The following PTPRD variants were observed in gnomAD, a reference collection of about 807,000 sequenced individuals.
The protein encoded by PTPRD is protein tyrosine phosphatase receptor type D.
A neutral mutation model predicts 214.5 loss-of-function variants in PTPRD; 34 were observed. The ratio of observed to expected loss-of-function variants is 0.16; its 90% CI spans 0.12 to 0.21. The LOEUF (loss-of-function observed/expected upper bound fraction) is 0.21. PTPRD is among the 10% of genes least tolerant of loss of function. The pLI is 1.00. For synonymous variants in PTPRD, 1,128 were observed against 845.7 expected (o/e 1.33, Z -5.79); for missense variants, 2,545 against 2,398.7 (o/e 1.06, Z -1.27).
chr9:8,580,392 A>G (rs1466103140), intron 14 of PTPRD, among the ~76,000 whole-genome samples: 5 of 152,234 alleles, frequency 3.3e-5, no homozygotes, highest in African/African-American at 1.2e-4. Context: ...TGACGATAGC[A>G]ATTAAGTTTC....
intron 8 of PTPRD, among the ~76,000 whole-genome samples, chr9:9,441,035 C>G (rs534676183): frequency 2.0e-4 from 30 of 152,276 alleles, no homozygotes; most frequent in African/African-American, 7.2e-4. Flanking sequence ...GAGACTTCCC[C>G]TCATTGGGCC....
In PTPRD at chr9:8,840,161, G is replaced by C. The variant is rs942310281; in HGVS notation, c.-103-106215C>G. On this transcript the variant is annotated intron_variant, in intron 11 of 45. Coordinates refer to ENST00000381196, the MANE Select transcript of PTPRD (RefSeq NM_002839.4). The stretch of plus-strand genomic sequence containing the variant: ...AACAGTATTAGAGCAGTACACATTA[G>C]TAGAACTACCTTTGGTTTAAATTTG... Among the ~76,000 whole-genome samples the C allele has an allele frequency of 8.5e-5, 13 of 152,158 alleles. 1 individual carries two copies. Among genetic ancestry groups the C allele is most frequent in the Admixed American group, 7.9e-4 (12 of 15,268 alleles).
In PTPRD at chr9:8,327,450, C is replaced by T. The variant is rs900094237; in HGVS notation, c.5534+4132G>A. Among the ~76,000 whole-genome samples, 3 of 151,880 alleles carry T rather than the reference C, an allele frequency of 2.0e-5. No homozygotes were observed. In the East Asian group the frequency reaches 5.8e-4, roughly 30 times the overall value. ...GCATTTGCTGAGGAGTGTTTTACTT[C>T]CAATATGTGGTCAATGTTAGAATAA... On this transcript the variant is annotated intron_variant, in intron 44 of 45. Transcript: ENST00000381196.
rs1458501786 is a variant in PTPRD, at chr9:9,183,312, A to G, written c.-151T>C. The G allele has an allele frequency of 3.3e-5, 5 of 152,040 alleles. No homozygotes were observed. Among genetic ancestry groups the G allele is most frequent in the Non-Finnish European group, 7.4e-5 (5 of 67,966 alleles). 9.4% of individuals were successfully genotyped at this position (152,040 alleles called of 1,614,324 possible). A position where few individuals can be genotyped will look rare whatever the true frequency, so the allele number is the denominator to read the frequency against. On this transcript the variant is annotated 5_prime_UTR_variant, in exon 10 of 46. Transcript: ENST00000381196. The stretch of plus-strand genomic sequence containing the variant: ...TGTGGTTGTGGACTCACCTTGAGTT[A>G]GCCACCGTCGGTGTTTTCAGACACA...
intron 5 of PTPRD, among the ~76,000 whole-genome samples, chr9:9,936,462 A>G (rs533056784): frequency 3.3e-5 from 5 of 151,040 alleles, no homozygotes; most frequent in Admixed American, 1.3e-4. Flanking sequence ...CAGCCAAAAA[A>G]CACATGAAAA....
chr9:9,500,882 T>A (rs574032473), intron 8 of PTPRD, among the ~76,000 whole-genome samples: 46 of 152,158 alleles, frequency 3.0e-4, no homozygotes, highest in Non-Finnish European at 4.4e-4. Context: ...AATGGACTTA[T>A]TACTGTTTTT....
intron 12 of PTPRD, among the ~76,000 whole-genome samples, chr9:8,729,097 T>A (rs1209658878): frequency 6.6e-6 from 1 of 152,254 alleles, no homozygotes; most frequent in Non-Finnish European, 1.5e-5. Context: ...AGGCACTGTA[T>A]TACTGTGTTT....
intron 11 of PTPRD, among the ~76,000 whole-genome samples, chr9:8,951,552 C>G (rs144251289): frequency 4.1e-4 from 62 of 152,054 alleles, no homozygotes; most frequent in African/African-American, 1.4e-3. Context: ...TTCAGCATAT[C>G]ACAACCAAAT....
chr9:8,798,940 A>C (rs902369919), intron 11 of PTPRD, among the ~76,000 whole-genome samples: 8 of 152,104 alleles, frequency 5.3e-5, no homozygotes, highest in African/African-American at 1.7e-4. Flanking sequence ...TTCACATGTA[A>C]AGCCTGAATG....
At chr9:8,830,593 A>T (rs554207089) in intron 11 of PTPRD, among the ~76,000 whole-genome samples, 1 of 151,958 alleles carries the variant, frequency 6.6e-6, no homozygotes, top group South Asian at 2.1e-4. Context: ...AACTCCTTCA[A>T]CTCCCCCCAG....
intron 43 of PTPRD, among the ~76,000 whole-genome samples, chr9:8,337,085 A>C (rs1847679246): frequency 1.3e-5 from 2 of 152,194 alleles, no homozygotes; most frequent in African/African-American, 4.8e-5. Context: ...TGACCCAGCA[A>C]TCCCATTACT....
chr9:10,497,206 C>A (rs1482888894), intron 2 of PTPRD, among the ~76,000 whole-genome samples: 1 of 151,942 alleles, frequency 6.6e-6, no homozygotes, highest in African/African-American at 2.4e-5. Flanking sequence ...ACTATGCTCA[C>A]CACCTGAGTG....
intron 5 of PTPRD, among the ~76,000 whole-genome samples, chr9:9,842,111 C>T (rs1360823958): frequency 1.3e-5 from 2 of 151,808 alleles, no homozygotes; most frequent in Non-Finnish European, 2.9e-5. Flanking sequence ...TTTATACACT[C>T]ATCTATATTT....
intron 9 of PTPRD, among the ~76,000 whole-genome samples, chr9:9,333,823 T>G (rs1368907901): frequency 1.3e-5 from 2 of 151,856 alleles, no homozygotes; most frequent in African/African-American, 4.8e-5. Flanking sequence ...TTCCTCTAAG[T>G]AAAATTATTA....
intron 3 of PTPRD, among the ~76,000 whole-genome samples, chr9:10,049,045 G>C (rs2097464951): frequency 6.6e-6 from 1 of 151,910 alleles, no homozygotes; most frequent in Admixed American, 6.6e-5. Context: ...TGAGGTTTGA[G>C]AAAAAAGATG....
intron 12 of PTPRD, among the ~76,000 whole-genome samples, chr9:8,678,110 G>T (rs950170441): frequency 2.6e-5 from 4 of 152,126 alleles, no homozygotes; most frequent in African/African-American, 9.7e-5. Context: ...ATTTAAAATT[G>T]GAGTTATATT....
chr9:8,966,793 A>G (rs1166885507), intron 11 of PTPRD, among the ~76,000 whole-genome samples: 1 of 152,166 alleles, frequency 6.6e-6, no homozygotes, highest in Non-Finnish European at 1.5e-5. Context: ...GCACAGCAAA[A>G]GAAACTATCA....
chr9:9,714,601 T>G (rs1232714874), intron 7 of PTPRD, among the ~76,000 whole-genome samples: 1 of 152,206 alleles, frequency 6.6e-6, no homozygotes, highest in Non-Finnish European at 1.5e-5. Context: ...TAGCATATCT[T>G]GCAGAAAATT....
chr9:10,423,242 G>T (rs998500746), intron 2 of PTPRD, among the ~76,000 whole-genome samples: 1 of 151,936 alleles, frequency 6.6e-6, no homozygotes, highest in South Asian at 2.1e-4. Context: ...ACTCATAGGT[G>T]GGAATTGAAC....
Sources: allele counts gnomAD v4.1 joint callset (sites outside exome capture counted in the v4.1 genomes callset), GRCh38; gene constraint gnomAD v4.1.1; transcripts MANE v1.5; gene names NCBI Gene and HGNC (gene_info 2026-07-23, HGNC 2026-07-21).